INPP5D: variants seen among roughly 807,000 people sequenced by gnomAD.
The protein encoded by INPP5D is phosphatidylinositol 3,4,5-trisphosphate 5-phosphatase 1.
Under a neutral mutation model 122.9 loss-of-function variants are expected in INPP5D, and 33 were observed. That is an observed-to-expected ratio of 0.27 (90% CI 0.20 to 0.36). The LOEUF (loss-of-function observed/expected upper bound fraction) is 0.36. Ranked by LOEUF, INPP5D falls within the 10% of genes least tolerant of loss-of-function variation. The probability of loss-of-function intolerance (pLI) is 1.00; values close to 1 mark genes in which losing one functional copy is unlikely to be tolerated. For synonymous variants in INPP5D, 584 were observed against 576.2 expected (o/e 1.01, Z -0.19); for missense variants, 1,053 against 1,412.7 (o/e 0.75, Z 4.08).
Position 233,170,015 on chromosome 2 carries a change from C to T in INPP5D, c.1653-11C>T. 1 of 1,613,860 alleles carries T rather than the reference C, an allele frequency of 6.2e-7. No homozygotes were observed. Among genetic ancestry groups the T allele is most frequent in the Admixed American group, 1.7e-5 (1 of 60,000 alleles). Reference sequence around the variant, plus strand: ...ACCCCGTGCTAGATGGCCGCTTTTTCCTTGCATTAGGCGAAACCAAAACTA... The same window carrying T: ...ACCCCGTGCTAGATGGCCGCTTTTTTCTTGCATTAGGCGAAACCAAAACTA... On this transcript the variant is annotated splice_polypyrimidine_tract_variant and intron_variant, in intron 14 of 26. Coordinates refer to ENST00000445964, the MANE Select transcript of INPP5D (RefSeq NM_001017915.3). The surrounding 1 kb of genome is among the most constrained non-coding windows in gnomAD (Gnocchi z 4.5).
chr2:233,123,334 G>T (rs1027209193), intron 3 of INPP5D, among the ~76,000 whole-genome samples: 6 of 151,942 alleles, frequency 3.9e-5, no homozygotes, highest in Admixed American at 3.9e-4. Flanking sequence ...CGCGCCTGTA[G>T]TTCCAGCTAC....
At chr2:233,151,429 C>T (rs1434300335) in intron 9 of INPP5D, among the ~76,000 whole-genome samples, 1 of 152,156 alleles carries the variant, frequency 6.6e-6, no homozygotes, top group East Asian at 1.9e-4. Flanking sequence ...CACCTAGCTC[C>T]AGTCCTCCCG....
At chr2:233,201,316 GCT>G (rs1695334363) in intron 25 of INPP5D, among the ~76,000 whole-genome samples, 1 of 152,220 alleles carries the variant, frequency 6.6e-6, no homozygotes, top group Non-Finnish European at 1.5e-5. Context: ...GTAAGTGAAT[GCT>G]TTTCAGCTCC....
intron 5 of INPP5D, among the ~76,000 whole-genome samples, chr2:233,138,303 T>TAAAAAAAAAA (rs749510803): frequency 2.9e-5 from 3 of 103,678 alleles, no homozygotes; most frequent in East Asian, 3.4e-4. Context: ...TAAGATTGTC[T>TAAAAAAAAAA]AAAAAAAAAA....
chr2:233,111,351 T>TACAC (rs150278724), intron 2 of INPP5D, among the ~76,000 whole-genome samples: 4 of 151,814 alleles, frequency 2.6e-5, no homozygotes, highest in Non-Finnish European at 4.4e-5. Context: ...ATAACTTTTA[T>TACAC]ACACACACAC....
At position 233,195,476 on chromosome 2, in the gene INPP5D, C is replaced by G. The variant is rs760639975; in HGVS notation, c.2674C>G (p.Gln892Glu). The G allele has an allele frequency of 6.2e-7, 1 of 1,613,590 alleles. No homozygotes were observed. The highest frequency in any genetic ancestry group is 8.5e-7 in the Non-Finnish European group (1 of 1,179,758). Residue 892 changes from glutamine to glutamate, a missense_variant, in exon 24 of 27, where the codon CAG (glutamine) becomes GAG (glutamate). By Grantham distance (29) the Gln-to-Glu change is conservative. Around this residue, in one of 6 missense-constraint regions of INPP5D, gnomAD observed 417 missense variants for 425.8 expected, o/e 0.98. Coordinates refer to ENST00000445964, the MANE Select transcript of INPP5D (RefSeq NM_001017915.3). ...KSLTSHDPMK[Q>E]WEVTSRAPPC... is the part of the protein sequence containing the mutation. The stretch of plus-strand genomic sequence containing the variant: ...CCTCACCAGCCACGACCCCATGAAG[C>G]AGTGGGAAGTCACTAGCAGGTAAAG...
chr2:233,073,884 G>A (rs904617051), intron 1 of INPP5D, among the ~76,000 whole-genome samples: 1 of 152,050 alleles, frequency 6.6e-6, no homozygotes, highest in African/African-American at 2.4e-5. Flanking sequence ...TGTCCCTAAT[G>A]GTCAGTTTCC....
At chr2:233,070,462 A>G (rs1691347366) in intron 1 of INPP5D, among the ~76,000 whole-genome samples, 2 of 143,538 alleles carry the variant, frequency 1.4e-5, no homozygotes, top group African/African-American at 2.6e-5. Flanking sequence ...TTTTTTCGAG[A>G]TGGTGTCTCT....
At chr2:233,117,482 T>C (rs1330024733) in intron 2 of INPP5D, among the ~76,000 whole-genome samples, 1 of 152,162 alleles carries the variant, frequency 6.6e-6, no homozygotes, top group Non-Finnish European at 1.5e-5. Flanking sequence ...GGGGAGGGGA[T>C]CTACTGCCCT....
intron 1 of INPP5D, among the ~76,000 whole-genome samples, chr2:233,067,853 T>C (rs79550752): frequency 0.053 from 8,050 of 152,328 alleles, 564 homozygotes; most frequent in African/African-American, 0.16. Flanking sequence ...AGATCCTTTG[T>C]ACATTTAGAA....
At chr2:233,163,941 T>C (rs890971843) in intron 12 of INPP5D, 38 bp downstream of exon 12, 16 of 1,604,806 alleles carry the variant, frequency 1.0e-5, no homozygotes, top group Non-Finnish European at 1.3e-5. Flanking sequence ...GCTTCCGGGA[T>C]AGAATCTTTG....
At chr2:233,174,337 T>C (rs1694566049) in intron 17 of INPP5D, among the ~76,000 whole-genome samples, 2 of 152,244 alleles carry the variant, frequency 1.3e-5, no homozygotes, top group African/African-American at 2.4e-5. Context: ...TGTGACGTGA[T>C]GACAGCTACA....
Position 233,193,800 on chromosome 2 carries a change from C to T in INPP5D, c.2447-12C>T. On this transcript the variant is annotated splice_polypyrimidine_tract_variant and intron_variant, in intron 22 of 26. Transcript: ENST00000445964. ...AGGGTCTTCACCCAGCTGTCTCCCA[C>T]TTTCCCTGCAGGCGAGGGCTGCATT... is the stretch of plus-strand genomic sequence containing the variant. 1 of 1,613,912 alleles carries T rather than the reference C, an allele frequency of 6.2e-7. No individual in the cohort carries two copies. Among genetic ancestry groups the T allele is most frequent in the Non-Finnish European group, 8.5e-7 (1 of 1,179,898 alleles).
intron 17 of INPP5D, among the ~76,000 whole-genome samples, chr2:233,175,929 G>A (rs1193683364): frequency 7.2e-5 from 11 of 152,106 alleles, no homozygotes; most frequent in African/African-American, 1.4e-4. Context: ...TGATCCACCC[G>A]CCTTGGCCTC....
rs557855192 is a variant in INPP5D, at chr2:233,197,908, G to A, written c.2694-187G>A. Among the ~76,000 whole-genome samples, 15 of 152,096 alleles carry A rather than the reference G, an allele frequency of 9.9e-5. No homozygotes were observed. The highest frequency in any genetic ancestry group is 2.6e-4 in the Admixed American group (4 of 15,292). ...TCCCGGCCTGGGGCCAGGTGCTTAC[G>A]AGGCCCTCAGTAATCACGGTGTTGC... On this transcript the variant is annotated intron_variant, in intron 24 of 26. Transcript: ENST00000445964. This position sits in a 1 kb window ranked among gnomAD's most constrained non-coding sequence, Gnocchi z 4.4.
In INPP5D at chr2:233,189,893, A is replaced by T; in HGVS notation, c.2402A>T (p.His801Leu). 1 of 1,613,564 alleles carries T rather than the reference A, an allele frequency of 6.2e-7. No individual in the cohort carries two copies. Among genetic ancestry groups the T allele is most frequent in the South Asian group, 1.1e-5 (1 of 91,032 alleles). Residue 801 changes from histidine (H) to leucine (L), a missense_variant, in exon 22 of 27, where the codon CAC becomes CTC. Coordinates refer to ENST00000445964, the MANE Select transcript of INPP5D (RefSeq NM_001017915.3). This position sits in a 1 kb window ranked among gnomAD's most constrained non-coding sequence, Gnocchi z 5.6. ...GACCCTGAGTACCTGCTAGACCAGC[A>T]CATCCTCATCAGCATCAAGTCCTCT... Reference protein sequence around the residue: ...ISDPEYLLDQHILISIKSSDS... With the variant: ...ISDPEYLLDQLILISIKSSDS...
chr2:233,129,421 G>A (rs1015609340), intron 4 of INPP5D, among the ~76,000 whole-genome samples: 2 of 152,158 alleles, frequency 1.3e-5, no homozygotes, highest in South Asian at 2.1e-4. Context: ...ACACTCAAGC[G>A]TTACCCAGAA....
chr2:233,190,815 C>T (rs188797755), intron 22 of INPP5D, among the ~76,000 whole-genome samples: 1 of 152,334 alleles, frequency 6.6e-6, no homozygotes, highest in African/African-American at 2.4e-5. Flanking sequence ...CCTCTCCTTA[C>T]AAGCCAAGCT....
intron 1 of INPP5D, among the ~76,000 whole-genome samples, chr2:233,066,291 C>G (rs72982221): frequency 0.053 from 8,134 of 152,284 alleles, 579 homozygotes; most frequent in African/African-American, 0.16. Context: ...TGCCATCTCC[C>G]TGCACATGAA....
Sources: allele counts gnomAD v4.1 joint callset (sites outside exome capture counted in the v4.1 genomes callset), GRCh38; gene constraint gnomAD v4.1.1; regional missense constraint gnomAD v4.1.1; non-coding constraint Gnocchi (gnomAD v3.1); transcripts MANE v1.5; gene names NCBI Gene and HGNC (gene_info 2026-07-23, HGNC 2026-07-21).